The following NCBP3 variants were observed in gnomAD, a reference collection of about 807,000 sequenced individuals.
NCBP3 encodes nuclear cap-binding protein subunit 3.
A neutral mutation model predicts 75.7 loss-of-function variants in NCBP3; 20 were observed. The ratio of observed to expected loss-of-function variants is 0.26; its 90% CI spans 0.19 to 0.38. NCBP3 has a LOEUF of 0.38. Among genes scored for constraint, NCBP3 ranks in the 10% least tolerant of loss-of-function variants. NCBP3 has a pLI of 1.00. For missense variants in NCBP3, 678 were observed against 796.9 expected, an observed-to-expected ratio of 0.85 and a Z score of 1.80; for synonymous variants, 293 against 290.5, an observed-to-expected ratio of 1.01 and a Z score of -0.09.
At chr17:3,825,670 A>T in intron 6 of NCBP3, 97 bp downstream of exon 6, 1 of 839,280 alleles carries the variant, frequency 1.2e-6, no homozygotes, top group Non-Finnish European at 1.9e-6. Context: ...GGTGAAAGCT[A>T]GAGAAAAAAC....
chr17:3,846,132 C>T lies in NCBP3; in HGVS notation c.92G>A (p.Gly31Asp). Reference protein sequence around the residue: ...LGLPSPEAESGVDRGEPEPME... With the variant: ...LGLPSPEAESDVDRGEPEPME... ...GGGCTCCGGCTCGCCACGGTCAACA[C>T]CGGACTCCGCCTCAGGGGACGGGAG... Residue 31 changes from glycine to aspartate, a missense_variant, in exon 1 of 13, where the codon GGT (glycine) becomes GAT (aspartate). Gly to Asp is a moderately conservative substitution (Grantham distance 94, BLOSUM62 -1). Around this residue, in one of 7 missense-constraint regions of NCBP3, gnomAD observed 76 missense variants for 53.8 expected, o/e 1.41. Transcript: ENST00000389005. The surrounding 1 kb of genome is among the most constrained non-coding windows in gnomAD (Gnocchi z 4.6). 6.5e-7 allele frequency: 1 copy of T among 1,543,866 alleles called. No homozygotes were observed.
chr17:3,813,781 G>A (rs2053471241), intron 12 of NCBP3, among the ~76,000 whole-genome samples: 1 of 152,060 alleles, frequency 6.6e-6, no homozygotes, highest in Non-Finnish European at 1.5e-5. Context: ...TCTTGCTGTT[G>A]CCCAGGCTGA....
rs35136635 is a variant in NCBP3, at chr17:3,841,832, C to CAA, written c.249+1252_249+1253dup. ...TGGGTGACAGAGTGAGACTCTGTCT[C>CAA]AAAAAAAAAAAAAAAACACTATAAA... On this transcript the variant is annotated intron_variant, in intron 2 of 12. Coordinates refer to ENST00000389005, the MANE Select transcript of NCBP3 (RefSeq NM_001114118.3). Among the ~76,000 whole-genome samples, 183 of 113,824 alleles carry CAA rather than the reference C, an allele frequency of 1.6e-3. 1 individual carries two copies. The highest frequency in any genetic ancestry group is 3.6e-3 in the South Asian group (12 of 3,354). 74.7% of individuals were successfully genotyped at this position (113,824 alleles called of 152,430 possible).
intron 4 of NCBP3, among the ~76,000 whole-genome samples, chr17:3,827,084 A>G (rs558900259): frequency 0.056 from 6,132 of 110,102 alleles, 198 homozygotes; most frequent in Admixed American, 0.14. Flanking sequence ...GTAGGGGGAA[A>G]GGGGAAGGGG....
At chr17:3,830,296 G>A (rs1249896675) in intron 3 of NCBP3, among the ~76,000 whole-genome samples, 1 of 151,868 alleles carries the variant, frequency 6.6e-6, no homozygotes, top group African/African-American at 2.4e-5. Context: ...TAGTTACCAG[G>A]GTAATAAATT....
At position 3,813,245 on chromosome 17, in the gene NCBP3, C is replaced by A. The variant is rs2053457942; in HGVS notation, c.1662G>T (p.Lys554Asn). 5 of 1,614,210 alleles carry A rather than the reference C, an allele frequency of 3.1e-6. No individual in the cohort carries two copies. In the African/African-American group the frequency reaches 4.0e-5, roughly 13 times the overall value. ...NLWTRLGSAP[K>N]TKEKNTKKVD... ...CTTTCTTCGTATTCTTTTCTTTGGT[C>A]TTGGGTGCAGATCCTAGGCGAGTCC... The change falls in exon 13 of 13, where the codon AAG becomes AAT. Residue 554 changes from lysine to asparagine, a missense_variant. Lys to Asn is a moderately conservative substitution (Grantham distance 94). This residue lies in a region of NCBP3 where 365 missense variants were observed against 392.7 expected (regional missense o/e 0.93). Transcript: ENST00000389005.
At position 3,822,069 on chromosome 17, in the gene NCBP3, A is replaced by C; in HGVS notation, c.797-17T>G. The stretch of plus-strand genomic sequence containing the variant: ...TTTTGTCATCTAAAAATTAATGACA[A>C]TAGTTACCTAGGATTTCCTGTGAGT... On this transcript the variant is annotated splice_polypyrimidine_tract_variant and intron_variant, in intron 7 of 12. Coordinates refer to ENST00000389005, the MANE Select transcript of NCBP3 (RefSeq NM_001114118.3). 6.7e-7 allele frequency: 1 copy of C among 1,497,746 alleles called. No individual in the cohort carries two copies. The allele number at this position is 1,497,746 out of a possible 1,614,324, so 92.8% of individuals were successfully genotyped here.
At chr17:3,831,914 T>C (rs1799376251) in intron 3 of NCBP3, among the ~76,000 whole-genome samples, 1 of 122,776 alleles carries the variant, frequency 8.1e-6, no homozygotes, top group African/African-American at 2.5e-5. Context: ...CTGGGCACAG[T>C]GGCTTACACC....
chr17:3,819,840 TA>T lies in NCBP3; in HGVS notation c.1001-1269del, dbSNP rs540545344. 1.3e-3 allele frequency among the ~76,000 whole-genome samples: 203 copies of T among 152,204 alleles called. 1 individual carries two copies. Among genetic ancestry groups the T allele is most frequent in the Non-Finnish European group, 1.3e-3 (91 of 68,000 alleles). Reference sequence around the variant, plus strand: ...CAGTCATCATACAGGGTACTAGAAATAGGGGCAATTTGCTTTTTAATTTCCT... The same window carrying T: ...CAGTCATCATACAGGGTACTAGAAATGGGGCAATTTGCTTTTTAATTTCCT... On this transcript the variant is annotated intron_variant, in intron 9 of 12. Coordinates refer to ENST00000389005, the MANE Select transcript of NCBP3 (RefSeq NM_001114118.3).
At position 3,826,218 on chromosome 17, in the gene NCBP3, A is replaced by G; in HGVS notation, c.482-3T>C. 1 of 1,541,528 alleles carries G rather than the reference A, an allele frequency of 6.5e-7. No individual in the cohort carries two copies. Among genetic ancestry groups the G allele is most frequent in the Non-Finnish European group, 8.7e-7 (1 of 1,143,332 alleles). Reference sequence around the variant, plus strand: ...TTCATCCAGCCAAACTACATTACCTAAAATAAAATGTAAAATAAGACATTA... The same window carrying G: ...TTCATCCAGCCAAACTACATTACCTGAAATAAAATGTAAAATAAGACATTA... On this transcript the variant is annotated splice_polypyrimidine_tract_variant and splice_region_variant and intron_variant, in intron 4 of 12. Transcript: ENST00000389005.
chr17:3,821,949 T>G lies in NCBP3; in HGVS notation c.896+4A>C. The stretch of plus-strand genomic sequence containing the variant: ...ACTATTGCATTTGAAGGTTTTGGAC[T>G]CACCATGAATTGCTAAGAATTCCTT... On this transcript the variant is annotated splice_donor_region_variant and intron_variant, in intron 8 of 12. Coordinates refer to ENST00000389005, the MANE Select transcript of NCBP3 (RefSeq NM_001114118.3). The G allele has an allele frequency of 6.3e-7, 1 of 1,587,038 alleles. No individual in the cohort carries two copies. Among genetic ancestry groups the G allele is most frequent in the African/African-American group, 1.3e-5 (1 of 74,352 alleles).
At chr17:3,829,785 G>A (rs2053846615) in intron 3 of NCBP3, among the ~76,000 whole-genome samples, 2 of 152,130 alleles carry the variant, frequency 1.3e-5, no homozygotes, top group African/African-American at 4.8e-5. Context: ...GATGCTGCCC[G>A]TGACTATGTC....
intron 7 of NCBP3, chr17:3,824,522 C>G (rs535699059): frequency 6.0e-6 from 1 of 165,950 alleles, no homozygotes; most frequent in Non-Finnish European, 1.3e-5. Context: ...TATACACATA[C>G]ACACACATTT....
chr17:3,828,094 T>C (rs1370579559), intron 4 of NCBP3, among the ~76,000 whole-genome samples: 2 of 152,168 alleles, frequency 1.3e-5, no homozygotes, highest in Non-Finnish European at 2.9e-5. Context: ...AATTTTTGTA[T>C]TTTTAGTAGA....
intron 12 of NCBP3, 25 bp from the exon 13 acceptor site, chr17:3,813,304 C>T (rs1241193791): frequency 2.5e-6 from 4 of 1,612,114 alleles, no homozygotes; most frequent in Non-Finnish European, 2.5e-6. Context: ...TGGCATTTCA[C>T]TTTCGCAGTC....
At chr17:3,842,939 T>A in intron 2 of NCBP3, 147 bp downstream of exon 2, 1 of 705,098 alleles carries the variant, frequency 1.4e-6, no homozygotes, top group Non-Finnish European at 2.4e-6. Flanking sequence ...CCAGCGTGCC[T>A]GGCCAATAAC....
At chr17:3,834,980 G>A (rs2053949405) in intron 3 of NCBP3, among the ~76,000 whole-genome samples, 1 of 152,150 alleles carries the variant, frequency 6.6e-6, no homozygotes, top group Admixed American at 6.5e-5. Context: ...AAAAGGAACT[G>A]TGGGCCTTAT....
chr17:3,835,365 TTC>T (rs1169168537), intron 3 of NCBP3, among the ~76,000 whole-genome samples: 2 of 152,204 alleles, frequency 1.3e-5, no homozygotes, highest in Non-Finnish European at 2.9e-5. Flanking sequence ...AGTCCTGCCG[TTC>T]TCTCTGTGAA....
chr17:3,821,430 CT>C lies in NCBP3; in HGVS notation c.897-79del, dbSNP rs527683914. On this transcript the variant is annotated intron_variant, in intron 8 of 12. Transcript: ENST00000389005. Reference sequence around the variant, plus strand: ...GAAATCCACTATTTCTTTCTCTTTTCTTTTTTTTTTGTGATGGAGTCTCAAT... The same window carrying C: ...GAAATCCACTATTTCTTTCTCTTTTCTTTTTTTTTGTGATGGAGTCTCAAT... 6,569 of 1,030,692 alleles carry C rather than the reference CT, an allele frequency of 6.4e-3. 3 individuals carry two copies. Among genetic ancestry groups the C allele is most frequent in the South Asian group, 0.013 (766 of 59,926 alleles). 63.8% of individuals were successfully genotyped at this position (1,030,692 alleles called of 1,614,324 possible).
Sources: allele counts gnomAD v4.1 joint callset (sites outside exome capture counted in the v4.1 genomes callset), GRCh38; gene constraint gnomAD v4.1.1; regional missense constraint gnomAD v4.1.1; non-coding constraint Gnocchi (gnomAD v3.1); transcripts MANE v1.5; gene names NCBI Gene and HGNC (gene_info 2026-07-23, HGNC 2026-07-21).